PFKFB1: variants seen among roughly 807,000 people sequenced by gnomAD.
PFKFB1 encodes the protein 6-phosphofructo-2-kinase/fructose-2,6-bisphosphatase 1.
Under a neutral mutation model 46.4 loss-of-function variants are expected in PFKFB1, and 34 were observed. That is an observed-to-expected ratio of 0.73 (90% CI 0.56 to 0.98). The LOEUF is 0.98. Ranked by LOEUF, PFKFB1 falls within the 50% of genes least tolerant of loss-of-function variation. The probability of loss-of-function intolerance (pLI) is 0.00; values close to 1 mark genes in which losing one functional copy is unlikely to be tolerated. For missense variants in PFKFB1, 393 were observed against 376.3 expected (o/e 1.04, Z -0.37); for synonymous variants, 119 against 133.8 (o/e 0.89, Z 0.76).
At chrX:54,935,206 G>A (rs909845742) in intron 11 of PFKFB1, among the ~76,000 whole-genome samples, 197 bp from the exon 12 acceptor site, 2 of 112,202 alleles carry the variant, frequency 1.8e-5, no homozygotes, top group East Asian at 5.6e-4. Flanking sequence ...CAGGGAGGCA[G>A]GAATGCCTTG....
In PFKFB1 at chrX:54,956,286, G is replaced by A. The variant is rs201742576; in HGVS notation, c.517-12C>T. Reference sequence around the variant, plus strand: ...CCAAGTTTCACTTGCTGGGAGCAGGGAGAACAGAGGTATCAAGGGAGACAT... The same window carrying A: ...CCAAGTTTCACTTGCTGGGAGCAGGAAGAACAGAGGTATCAAGGGAGACAT... On this transcript the variant is annotated splice_polypyrimidine_tract_variant and intron_variant, in intron 6 of 13. Transcript: ENST00000375006. 137 of 1,208,652 alleles carry A rather than the reference G, an allele frequency of 1.1e-4. No individual in the cohort carries two copies. Among genetic ancestry groups the A allele is most frequent in the Middle Eastern group, 2.3e-4 (1 of 4,357 alleles).
At chrX:54,984,420 T>C (rs1028463510) in intron 1 of PFKFB1, among the ~76,000 whole-genome samples, 34 of 111,958 alleles carry the variant, frequency 3.0e-4, no homozygotes, top group Non-Finnish European at 4.3e-4. Flanking sequence ...TGAGGAGCTC[T>C]AAAGACCCAT....
At chrX:54,976,014 T>C (rs1476604423) in intron 1 of PFKFB1, among the ~76,000 whole-genome samples, 2 of 111,617 alleles carry the variant, frequency 1.8e-5, no homozygotes, top group Admixed American at 9.5e-5. Flanking sequence ...GGAGAGAATG[T>C]AAAATATTGG....
intron 6 of PFKFB1, 121 bp from the exon 7 acceptor site, chrX:54,956,395 A>G (rs947195048): frequency 2.4e-6 from 2 of 846,733 alleles, no homozygotes; most frequent in Non-Finnish European, 3.3e-6. Flanking sequence ...GGAAATTGAG[A>G]CCTGGAGAAC....
chrX:54,982,847 C>T (rs1935029308), intron 1 of PFKFB1, among the ~76,000 whole-genome samples: 1 of 111,622 alleles, frequency 9.0e-6, no homozygotes, highest in Admixed American at 9.5e-5. Context: ...AAAATAAATA[C>T]ATACTGACAA....
At chrX:54,955,280 T>G (rs750584090) in intron 7 of PFKFB1, among the ~76,000 whole-genome samples, 4 of 111,712 alleles carry the variant, frequency 3.6e-5, no homozygotes, top group Non-Finnish European at 5.6e-5. Context: ...TGCTCATTTC[T>G]TGGTACTTCA....
intron 7 of PFKFB1, among the ~76,000 whole-genome samples, chrX:54,955,646 G>A (rs1231807809): frequency 9.0e-6 from 1 of 111,432 alleles, no homozygotes; most frequent in Non-Finnish European, 1.9e-5. Flanking sequence ...AAAGAGACAT[G>A]ACTAGGAGAC....
At chrX:54,959,561 T>C (rs991518084) in intron 4 of PFKFB1, among the ~76,000 whole-genome samples, 4 of 112,069 alleles carry the variant, frequency 3.6e-5, no homozygotes, top group African/African-American at 1.3e-4. Flanking sequence ...TCTGAAGCTA[T>C]GCAACCTGGA....
intron 1 of PFKFB1, among the ~76,000 whole-genome samples, chrX:54,991,537 C>CTGTG (rs761074903): frequency 3.6e-4 from 35 of 98,474 alleles, no homozygotes; most frequent in African/African-American, 1.2e-3. Flanking sequence ...CTCTCTCTCT[C>CTGTG]TCTGTGTGTG....
intron 9 of PFKFB1, among the ~76,000 whole-genome samples, chrX:54,947,921 C>T (rs1429474860): frequency 1.8e-5 from 2 of 108,393 alleles, no homozygotes. Flanking sequence ...GCTGATTCCA[C>T]CTTAATTTTT....
At chrX:54,996,816 C>T (rs1377674059), upstream of PFKFB1, among the ~76,000 whole-genome samples, 1 of 111,586 alleles carries the variant, frequency 9.0e-6, no homozygotes, top group Non-Finnish European at 1.9e-5. Flanking sequence ...ATGCCATTTT[C>T]CTCCTTCTAT....
At chrX:54,939,947 A>T (rs1257025109) in intron 10 of PFKFB1, among the ~76,000 whole-genome samples, 2 of 111,983 alleles carry the variant, frequency 1.8e-5, no homozygotes, top group Non-Finnish European at 3.8e-5. Flanking sequence ...AAAAAGGAGA[A>T]TTTTAGACCA....
intron 1 of PFKFB1, among the ~76,000 whole-genome samples, chrX:54,971,879 T>G (rs1165740977): frequency 1.8e-5 from 2 of 111,474 alleles, no homozygotes; most frequent in South Asian, 3.8e-4. Context: ...GTGAAGAAAG[T>G]CATTGGTAGC....
At chrX:54,962,054 G>A (rs773426351) in intron 2 of PFKFB1, among the ~76,000 whole-genome samples, 2 of 111,450 alleles carry the variant, frequency 1.8e-5, no homozygotes, top group African/African-American at 6.5e-5. Flanking sequence ...GGGGACCTTT[G>A]GAGGCCACAG....
intron 7 of PFKFB1, 95 bp from the exon 8 acceptor site, chrX:54,952,207 C>T: frequency 1.6e-6 from 1 of 632,900 alleles, no homozygotes; most frequent in East Asian, 3.4e-5. Context: ...CCCTTTCAAA[C>T]CTCTTCCACA....
At chrX:54,938,759 C>T (rs1472137509) in intron 10 of PFKFB1, among the ~76,000 whole-genome samples, 1 of 111,488 alleles carries the variant, frequency 9.0e-6, no homozygotes, top group Non-Finnish European at 1.9e-5. Flanking sequence ...GAGTGACCTA[C>T]AAAGAGACTT....
intron 1 of PFKFB1, among the ~76,000 whole-genome samples, chrX:54,979,344 C>T (rs1934914891): frequency 9.0e-6 from 1 of 111,121 alleles, no homozygotes; most frequent in South Asian, 3.8e-4. Context: ...GACAGCTGGT[C>T]ACATTTTCCT....
intron 10 of PFKFB1, among the ~76,000 whole-genome samples, chrX:54,941,354 C>G (rs990696942): frequency 1.8e-5 from 2 of 111,987 alleles, no homozygotes; most frequent in African/African-American, 3.2e-5. Context: ...GTCTAAAACA[C>G]CAAAAGCAAT....
intron 1 of PFKFB1, among the ~76,000 whole-genome samples, chrX:54,974,396 C>A (rs1480960199): frequency 9.0e-6 from 1 of 110,928 alleles, no homozygotes; most frequent in Admixed American, 9.6e-5. Context: ...AATTGGCAAG[C>A]CACATATAGA....
Sources: allele counts gnomAD v4.1 joint callset (sites outside exome capture counted in the v4.1 genomes callset), GRCh38; gene constraint gnomAD v4.1.1; transcripts MANE v1.5; gene names NCBI Gene and HGNC (gene_info 2026-07-23, HGNC 2026-07-21).